Variants in PDE3A observed in about 807,000 individuals in gnomAD.
PDE3A encodes phosphodiesterase 3A.
PDE3A carries 43 observed loss-of-function variants against 98.3 expected under a neutral mutation model. The observed-to-expected ratio is 0.44, with a 90% confidence interval of 0.34 to 0.56. PDE3A has a LOEUF of 0.56. Ranked by LOEUF, PDE3A falls within the 20% of genes least tolerant of loss-of-function variation. The pLI, the probability that PDE3A is intolerant of heterozygous loss-of-function variation, is 0.01. For synonymous variants in PDE3A, 663 were observed against 567.9 expected, an observed-to-expected ratio of 1.17 and a Z score of -2.38; for missense variants, 1,427 against 1,440.7, an observed-to-expected ratio of 0.99 and a Z score of 0.15.
At chr12:20,435,458 T>C (rs1385252139) in intron 1 of PDE3A, among the ~76,000 whole-genome samples, 1 of 152,070 alleles carries the variant, frequency 6.6e-6, no homozygotes, top group Non-Finnish European at 1.5e-5. Flanking sequence ...CTGATATTCT[T>C]TTTTTTTCCT....
intron 1 of PDE3A, among the ~76,000 whole-genome samples, chr12:20,487,692 C>T (rs1945756468): frequency 6.6e-6 from 1 of 151,338 alleles, no homozygotes; most frequent in African/African-American, 2.4e-5. Flanking sequence ...TGGTCAGTTT[C>T]TACAAGGCAA....
intron 15 of PDE3A, among the ~76,000 whole-genome samples, chr12:20,665,068 C>T (rs1945275203): frequency 1.3e-5 from 2 of 152,152 alleles, no homozygotes; most frequent in African/African-American, 4.8e-5. Context: ...CAGTCACCAC[C>T]TCCATACAAT....
chr12:20,646,156 G>A (rs972616933), intron 10 of PDE3A, among the ~76,000 whole-genome samples: 2 of 152,074 alleles, frequency 1.3e-5, no homozygotes, highest in African/African-American at 4.8e-5. Flanking sequence ...GTTTTATGCA[G>A]GAGCATGAAA....
intron 1 of PDE3A, among the ~76,000 whole-genome samples, chr12:20,417,054 TG>T (rs1416579430): frequency 3.9e-5 from 6 of 152,180 alleles, no homozygotes; most frequent in Non-Finnish European, 7.4e-5. Flanking sequence ...GTACATAATG[TG>T]CATAAATGAT....
At position 20,409,136 on chromosome 12, in the gene PDE3A, G is replaced by A. The variant is rs561051702; in HGVS notation, c.960+38892G>A. ...CTTCATCATCTCCTCATTTCCTCCT[G>A]AATTCCTTTTCATGTAGTTTCTTGG... On this transcript the variant is annotated intron_variant, in intron 1 of 15. Transcript: ENST00000359062. 5.9e-5 allele frequency among the ~76,000 whole-genome samples: 9 copies of A among 152,212 alleles called. No homozygotes were observed. In the East Asian group the frequency reaches 1.7e-3, roughly 29 times the overall value.
intron 2 of PDE3A, 80 bp from the exon 3 acceptor site, chr12:20,613,363 G>A (rs1012578447): frequency 7.7e-7 from 1 of 1,304,240 alleles, no homozygotes; most frequent in Non-Finnish European, 1.1e-6. Flanking sequence ...TCATTTCTTA[G>A]TGAAAAAGTC....
chr12:20,463,100 T>C (rs1430785751), intron 1 of PDE3A, among the ~76,000 whole-genome samples: 3 of 152,150 alleles, frequency 2.0e-5, no homozygotes, highest in African/African-American at 7.2e-5. Flanking sequence ...ATGCCCATGA[T>C]AAATTATCTC....
At chr12:20,610,322 A>G (rs1017174947) in intron 2 of PDE3A, among the ~76,000 whole-genome samples, 1 of 152,054 alleles carries the variant, frequency 6.6e-6, no homozygotes, top group Non-Finnish European at 1.5e-5. Context: ...AGCATCAGGA[A>G]ATGGAAATTA....
intron 1 of PDE3A, among the ~76,000 whole-genome samples, chr12:20,488,062 A>T (rs1261704993): frequency 6.6e-6 from 1 of 152,180 alleles, no homozygotes; most frequent in South Asian, 2.1e-4. Context: ...ACCCAGGAGC[A>T]TTATGAAATG....
At chr12:20,534,465 A>G (rs141243663) in intron 1 of PDE3A, among the ~76,000 whole-genome samples, 1 of 152,302 alleles carries the variant, frequency 6.6e-6, no homozygotes, top group East Asian at 1.9e-4. Context: ...AGGCAAAGCA[A>G]TATATTGATC....
rs557784028 is a variant in PDE3A, at chr12:20,616,343, C to T, written c.1383C>T (p.Asp461=). 65 of 1,613,716 alleles carry T rather than the reference C, an allele frequency of 4.0e-5. No homozygotes were observed. The South Asian group carries it at 6.7e-4, about 17-fold the overall frequency. ...TGGAGCCTGCACCAGTACGGAGAGA[C>T]CGCAGCACCAGCATCAAACTGCAGG... is the stretch of plus-strand genomic sequence containing the variant. ...PTLEPAPVRR[D]RSTSIKLQEA... Residue 461 remains aspartate, a synonymous_variant, in exon 4 of 16, where the codon GAC becomes GAT. Coordinates refer to ENST00000359062, the MANE Select transcript of PDE3A (RefSeq NM_000921.5).
intron 1 of PDE3A, among the ~76,000 whole-genome samples, chr12:20,536,379 A>C (rs546265801): frequency 6.6e-6 from 1 of 152,124 alleles, no homozygotes; most frequent in Admixed American, 6.5e-5. Flanking sequence ...TATTATTGAA[A>C]TATGATTCAC....
chr12:20,533,583 G>A (rs1370231674), intron 1 of PDE3A, among the ~76,000 whole-genome samples: 2 of 149,568 alleles, frequency 1.3e-5, no homozygotes, highest in African/African-American at 2.5e-5. Context: ...CCGGGTTCCC[G>A]CCATTCTCCT....
chr12:20,664,892 A>C (rs562555111), intron 15 of PDE3A, among the ~76,000 whole-genome samples: 6 of 152,142 alleles, frequency 3.9e-5, no homozygotes, highest in Admixed American at 1.3e-4. Context: ...TTCTCAGTAC[A>C]TCTTACCAAC....
At chr12:20,464,914 G>T (rs1299073854) in intron 1 of PDE3A, among the ~76,000 whole-genome samples, 1 of 152,010 alleles carries the variant, frequency 6.6e-6, no homozygotes, top group East Asian at 1.9e-4. Flanking sequence ...ACCACATGAT[G>T]AACTGATAAC....
At chr12:20,590,780 A>C (rs1216014956) in intron 2 of PDE3A, among the ~76,000 whole-genome samples, 9 of 152,154 alleles carry the variant, frequency 5.9e-5, no homozygotes, top group Admixed American at 5.9e-4. Flanking sequence ...GGAAATTAGA[A>C]ATGAATTCAT....
chr12:20,503,389 A>G (rs1046673507), intron 1 of PDE3A, among the ~76,000 whole-genome samples: 5 of 152,046 alleles, frequency 3.3e-5, no homozygotes, highest in African/African-American at 9.7e-5. Flanking sequence ...TAGATTTTTG[A>G]TATAAGAAGG....
At chr12:20,388,647 T>A (rs1223804800) in intron 1 of PDE3A, among the ~76,000 whole-genome samples, 1 of 152,062 alleles carries the variant, frequency 6.6e-6, no homozygotes, top group Non-Finnish European at 1.5e-5. Context: ...AGGTTCATAA[T>A]GATTTTTGTT....
At chr12:20,418,650 T>C (rs1031216298) in intron 1 of PDE3A, among the ~76,000 whole-genome samples, 6 of 152,186 alleles carry the variant, frequency 3.9e-5, no homozygotes, top group African/African-American at 1.4e-4. Context: ...CCTTTCTTTT[T>C]GTATCATGCC....
Sources: gnomAD v4.1 joint callset for allele counts (sites outside exome capture counted in the v4.1 genomes callset) on GRCh38, gnomAD v4.1.1 for gene constraint, MANE v1.5 for transcripts, NCBI Gene and HGNC (gene_info 2026-07-23, HGNC 2026-07-21) for gene names.